MYO5A: variants seen among roughly 807,000 people sequenced by gnomAD.
The protein encoded by MYO5A is unconventional myosin-Va.
In MYO5A, 98 loss-of-function variants were observed where a neutral mutation model predicts 249.7. The observed-to-expected ratio is 0.39, with a 90% CI of 0.33 to 0.46. The LOEUF is 0.46. Among genes scored for constraint, MYO5A ranks in the 20% least tolerant of loss-of-function variants. The pLI is 0.98. For missense variants in MYO5A, 1,696 were observed against 2,308.8 expected (o/e 0.73, Z 5.44); for synonymous variants, 778 against 810.6 (o/e 0.96, Z 0.68).
At chr15:52,314,729 C>G (rs140814182) in intron 40 of MYO5A, among the ~76,000 whole-genome samples, 61 of 152,144 alleles carry the variant, frequency 4.0e-4, no homozygotes, top group African/African-American at 1.4e-3. Flanking sequence ...ACAAAAGCCC[C>G]TAAAGAAATT....
intron 1 of MYO5A, among the ~76,000 whole-genome samples, chr15:52,470,806 C>T (rs529466182): frequency 4.0e-5 from 6 of 151,880 alleles, no homozygotes; most frequent in African/African-American, 9.7e-5. Context: ...GCGGATCACT[C>T]GAGGTCAGGC....
rs760616432 is a variant in MYO5A at position 52,528,849 on chromosome 15, G to T, written c.-43C>A. On this transcript the variant is annotated 5_prime_UTR_variant, in exon 1 of 42. Coordinates refer to ENST00000399233, the MANE Select transcript of MYO5A (RefSeq NM_001382347.1). ...TACGCCCCCCGCCTGTGCGGAGGCC[G>T]CACCTCGCCTGGGCGGCCGCCCGAG... is the stretch of plus-strand genomic sequence containing the variant. 2 of 1,447,408 alleles carry T rather than the reference G, an allele frequency of 1.4e-6. No homozygotes were observed. The highest frequency in any genetic ancestry group is 3.0e-5 in the African/African-American group (2 of 67,664). The allele number at this position is 1,447,408 out of a possible 1,614,324, so 89.7% of individuals were successfully genotyped here.
intron 18 of MYO5A, among the ~76,000 whole-genome samples, chr15:52,377,922 G>A (rs1337346730): frequency 7.2e-5 from 11 of 152,072 alleles, no homozygotes; most frequent in African/African-American, 2.4e-5. Flanking sequence ...TTCCCTATGA[G>A]TAGATATCTC....
At position 52,311,670 on chromosome 15, in the gene MYO5A, G is replaced by A. The variant is rs992363216; in HGVS notation, c.*2026C>T. The A allele has an allele frequency of 4.6e-5, 7 of 152,158 alleles. No individual in the cohort carries two copies. Among genetic ancestry groups the A allele is most frequent in the Admixed American group, 2.0e-4 (3 of 15,270 alleles). 9.4% of individuals were successfully genotyped at this position (152,158 alleles called of 1,614,324 possible). A position where few individuals can be genotyped will look rare whatever the true frequency, so the allele number is the denominator to read the frequency against. ...GATTTTACATTTGATTAATCCTAAG[G>A]AATTGACAGGCACTACACACTGGTC... On this transcript the variant is annotated 3_prime_UTR_variant, in exon 42 of 42. Coordinates refer to ENST00000399233, the MANE Select transcript of MYO5A (RefSeq NM_001382347.1).
intron 1 of MYO5A, among the ~76,000 whole-genome samples, chr15:52,445,923 C>T (rs1315835374): frequency 1.3e-5 from 2 of 152,206 alleles, no homozygotes; most frequent in Non-Finnish European, 2.9e-5. Flanking sequence ...AAAGAAGCGA[C>T]TTAAAGTTGG....
At chr15:52,478,164 C>T (rs536641431) in intron 1 of MYO5A, among the ~76,000 whole-genome samples, 2 of 152,362 alleles carry the variant, frequency 1.3e-5, no homozygotes, top group Non-Finnish European at 2.9e-5. Context: ...TCTCAGACTG[C>T]TGTGCTAGCA....
intron 1 of MYO5A, among the ~76,000 whole-genome samples, chr15:52,435,974 A>G (rs2075654062): frequency 6.6e-6 from 1 of 152,088 alleles, no homozygotes; most frequent in South Asian, 2.1e-4. Context: ...TTGGAGTGCA[A>G]TGGCATGATC....
chr15:52,455,285 ATAATGAG>A (rs2076095680), intron 1 of MYO5A, among the ~76,000 whole-genome samples: 2 of 152,112 alleles, frequency 1.3e-5, no homozygotes, highest in African/African-American at 4.8e-5. Context: ...ACCTGAACTA[ATAATGAG>A]TAATAAGTAA....
intron 1 of MYO5A, 128 bp from the exon 2 acceptor site, chr15:52,433,413 CTTTTTTTTT>C (rs151276395): frequency 1.3e-4 from 35 of 275,742 alleles, no homozygotes; most frequent in East Asian, 8.6e-4. Flanking sequence ...ATGAAATTCA[CTTTTTTTTT>C]TTTTTTTTTT....
intron 1 of MYO5A, among the ~76,000 whole-genome samples, chr15:52,456,906 A>G (rs2076130218): frequency 6.6e-6 from 1 of 152,230 alleles, no homozygotes; most frequent in African/African-American, 2.4e-5. Context: ...GTCTAGATAA[A>G]GATTTTATAG....
chr15:52,468,152 C>A (rs1179367203), intron 1 of MYO5A, among the ~76,000 whole-genome samples: 1 of 152,020 alleles, frequency 6.6e-6, no homozygotes, highest in Non-Finnish European at 1.5e-5. Context: ...GAGTTGGAGA[C>A]CAGCCTGGGC....
At chr15:52,425,233 A>T (rs985364678) in intron 4 of MYO5A, among the ~76,000 whole-genome samples, 1 of 152,212 alleles carries the variant, frequency 6.6e-6, no homozygotes, top group Admixed American at 6.5e-5. Flanking sequence ...CCACTACACT[A>T]ATCCTTTCAT....
At chr15:52,438,207 G>A in intron 1 of MYO5A, 1 of 218,442 alleles carries the variant, frequency 4.6e-6, no homozygotes, top group Non-Finnish European at 7.2e-6. Flanking sequence ...CCTCCCCCAG[G>A]CCGCAAAGCA....
intron 1 of MYO5A, among the ~76,000 whole-genome samples, chr15:52,523,238 C>T (rs537421601): frequency 3.4e-5 from 5 of 148,014 alleles, no homozygotes; most frequent in African/African-American, 1.2e-4. Context: ...CCTCAGTCCA[C>T]CAGACCTTCA....
At chr15:52,415,432 A>G (rs2043434691) in intron 5 of MYO5A, among the ~76,000 whole-genome samples, 1 of 152,196 alleles carries the variant, frequency 6.6e-6, no homozygotes, top group Non-Finnish European at 1.5e-5. Context: ...TTCCATTTTC[A>G]TTGGCACAGG....
chr15:52,382,398 C>T (rs1016827325), intron 16 of MYO5A, among the ~76,000 whole-genome samples: 3 of 151,942 alleles, frequency 2.0e-5, no homozygotes, highest in African/African-American at 7.3e-5. Flanking sequence ...ATGATGAAAC[C>T]CTGTCTCTAC....
chr15:52,313,821 G>C lies in MYO5A; in HGVS notation c.5518C>G (p.Pro1840Ala). ...QMRLRDRKDS[P>A]QLLMDAKHIF... The stretch of plus-strand genomic sequence containing the variant: ...TGTTTAGCATCCATGAGCAGCTGGG[G>C]AGAGTCTTTCCTGTCTCGTAAACGC... Residue 1840 changes from proline (P) to alanine (A), a missense_variant, in exon 42 of 42, where the codon CCC (proline) becomes GCC (alanine). By Grantham distance (27) the Pro-to-Ala change is conservative (BLOSUM62 -1). Transcript: ENST00000399233. The C allele has an allele frequency of 6.2e-7, 1 of 1,614,068 alleles. No individual in the cohort carries two copies. Among genetic ancestry groups the C allele is most frequent in the Non-Finnish European group, 8.5e-7 (1 of 1,179,988 alleles).
intron 1 of MYO5A, among the ~76,000 whole-genome samples, chr15:52,497,756 CAAAAAAA>C (rs35145185): frequency 4.3e-4 from 27 of 62,682 alleles, no homozygotes; most frequent in Middle Eastern, 8.3e-3. Context: ...GACTCTGTCT[CAAAAAAA>C]AAAAAAAAAA....
At chr15:52,369,730 T>A (rs1304108289) in intron 22 of MYO5A, among the ~76,000 whole-genome samples, 2 of 152,150 alleles carry the variant, frequency 1.3e-5, no homozygotes, top group African/African-American at 4.8e-5. Flanking sequence ...CTCAAGGTCA[T>A]TGCCAAAGAC....
Sources: allele counts gnomAD v4.1 joint callset (sites outside exome capture counted in the v4.1 genomes callset), GRCh38; gene constraint gnomAD v4.1.1; transcripts MANE v1.5; gene names NCBI Gene and HGNC (gene_info 2026-07-23, HGNC 2026-07-21).